AZIN1: variants seen among roughly 807,000 people sequenced by gnomAD.
AZIN1 encodes antizyme inhibitor 1, also known as ornithine decarboxylase antizyme inhibitor.
A neutral mutation model predicts 47.4 loss-of-function variants in AZIN1; 12 were observed. The ratio of observed to expected loss-of-function variants is 0.25; its 90% CI spans 0.16 to 0.41. The LOEUF is 0.41. Ranked by LOEUF, AZIN1 falls within the 10% of genes least tolerant of loss-of-function variation. The pLI, the probability that AZIN1 is intolerant of heterozygous loss-of-function variation, is 1.00. For missense variants in AZIN1, 410 were observed against 532.4 expected, an observed-to-expected ratio of 0.77 and a Z score of 2.26; for synonymous variants, 155 against 176.3, an observed-to-expected ratio of 0.88 and a Z score of 0.96.
At chr8:102,862,381 TTC>T (rs1239375770) in intron 1 of AZIN1, among the ~76,000 whole-genome samples, 1 of 152,188 alleles carries the variant, frequency 6.6e-6, no homozygotes, top group Non-Finnish European at 1.5e-5. Context: ...CTTTTTCACC[TTC>T]TGTTTGAAAA....
intron 1 of AZIN1, among the ~76,000 whole-genome samples, chr8:102,863,279 G>A (rs1305522962): frequency 6.6e-6 from 1 of 152,010 alleles, no homozygotes; most frequent in East Asian, 1.9e-4. Flanking sequence ...CCGGCGCGGG[G>A]CCCGCCCCGC....
At chr8:102,850,893 G>A (rs1812875527) in intron 2 of AZIN1, among the ~76,000 whole-genome samples, 1 of 152,116 alleles carries the variant, frequency 6.6e-6, no homozygotes, top group South Asian at 2.1e-4. Context: ...AAAGTTATAA[G>A]CCCAACAGGC....
chr8:102,833,031 T>TA, intron 9 of AZIN1, 25 bp downstream of exon 9: 4 of 1,566,758 alleles, frequency 2.6e-6, no homozygotes, highest in Non-Finnish European at 3.5e-6. Context: ...CCAACAAAAA[T>TA]AAAACTATAA....
intron 5 of AZIN1, 123 bp from the exon 6 acceptor site, chr8:102,836,513 G>T: frequency 2.9e-6 from 3 of 1,034,576 alleles, no homozygotes; most frequent in African/African-American, 1.6e-5. Context: ...AGCGACGGAT[G>T]AATCAAGTGA....
In AZIN1 at chr8:102,838,859, T is replaced by A; in HGVS notation, c.334A>T (p.Ser112Cys). Residue 112 changes from serine (S) to cysteine (C), a missense_variant, in exon 5 of 12, where the codon AGT becomes TGT. Ser to Cys is a moderately radical substitution (Grantham distance 112). Around this residue, in one of 3 missense-constraint regions of AZIN1, gnomAD observed 237 missense variants for 309.4 expected, o/e 0.77. Coordinates refer to ENST00000337198, the MANE Select transcript of AZIN1 (RefSeq NM_148174.4). The part of the protein sequence containing the change: ...GVPPENIIYI[S>C]PCKQVSQIKY... The stretch of plus-strand genomic sequence containing the variant: ...ATCTGAGACACTTGCTTGCAAGGAC[T>A]TATGTAAATAATGTTTTCTGGAGGT... 6.2e-7 allele frequency: 1 copy of A among 1,613,976 alleles called. No homozygotes were observed. The highest frequency in any genetic ancestry group is 2.2e-5 in the East Asian group (1 of 44,872).
intron 2 of AZIN1, among the ~76,000 whole-genome samples, chr8:102,847,870 C>A (rs1426735525): frequency 1.3e-5 from 2 of 152,198 alleles, no homozygotes; most frequent in Non-Finnish European, 2.9e-5. Flanking sequence ...GTTGCAATTA[C>A]CGGCATGAGC....
intron 2 of AZIN1, among the ~76,000 whole-genome samples, chr8:102,853,429 G>T (rs1813054722): frequency 6.6e-6 from 1 of 152,188 alleles, no homozygotes. Context: ...TGGAACCCGG[G>T]AGGTGGAGTT....
At chr8:102,853,074 G>A (rs1459033224) in intron 2 of AZIN1, among the ~76,000 whole-genome samples, 1 of 152,244 alleles carries the variant, frequency 6.6e-6, no homozygotes, top group Non-Finnish European at 1.5e-5. Flanking sequence ...GGTATGGGGA[G>A]ACCCAAACTG....
At chr8:102,834,311 A>G in intron 7 of AZIN1, 48 bp from the exon 8 acceptor site, 2 of 1,475,816 alleles carry the variant, frequency 1.4e-6, no homozygotes, top group Non-Finnish European at 1.9e-6. Flanking sequence ...ATTGTAATGG[A>G]TATGAGAACA....
chr8:102,864,183 C>T (rs1226759608), upstream of AZIN1: 4 of 183,564 alleles, frequency 2.2e-5, no homozygotes, highest in African/African-American at 7.2e-5. Flanking sequence ...GCGCCAGCGA[C>T]GCCAGTATTT....
Position 102,833,186 on chromosome 8 carries a change from G to A in AZIN1, c.774C>T (p.Ile258=). 1 of 1,613,694 alleles carries A rather than the reference G, an allele frequency of 6.2e-7. No homozygotes were observed. The highest frequency in any genetic ancestry group is 1.3e-5 in the African/African-American group (1 of 75,042). Residue 258 remains isoleucine, a synonymous_variant, in exon 9 of 12, where the codon ATC becomes ATT. Coordinates refer to ENST00000337198, the MANE Select transcript of AZIN1 (RefSeq NM_148174.4). ...TAACACCAGATCCTTCAGGAAAGTA[G>A]ATATCCAACAGAGGGCTGATAACAT... ...VNHVISPLLD[I]YFPEGSGVKI... is the part of the protein sequence containing the mutation.
intron 6 of AZIN1, among the ~76,000 whole-genome samples, chr8:102,835,866 AAGTC>A (rs1244222916): frequency 1.3e-5 from 2 of 152,150 alleles, no homozygotes; most frequent in Admixed American, 1.3e-4. Flanking sequence ...GGCTAAAGCA[AAGTC>A]TAATTTATTG....
intron 2 of AZIN1, chr8:102,856,098 T>TTG (rs1054583273): frequency 8.6e-5 from 13 of 150,972 alleles, no homozygotes; most frequent in African/African-American, 3.1e-4. Flanking sequence ...TTTTTGTTTT[T>TTG]TTTTTTTTTT....
intron 2 of AZIN1, among the ~76,000 whole-genome samples, chr8:102,857,556 T>C (rs1430239522): frequency 6.6e-6 from 1 of 152,074 alleles, no homozygotes; most frequent in African/African-American, 2.4e-5. Context: ...TTTAATACCA[T>C]ACATATATTT....
At chr8:102,843,214 A>C (rs796486897) in intron 3 of AZIN1, among the ~76,000 whole-genome samples, 6 of 152,116 alleles carry the variant, frequency 3.9e-5, no homozygotes, top group African/African-American at 1.4e-4. Flanking sequence ...CCAAAAAAAA[A>C]AAAAAAAAAG....
chr8:102,853,356 G>T (rs1813047497), intron 2 of AZIN1, among the ~76,000 whole-genome samples: 1 of 152,170 alleles, frequency 6.6e-6, no homozygotes, highest in African/African-American at 2.4e-5. Context: ...TACAAAATTA[G>T]TCGGGCATGG....
intron 9 of AZIN1, among the ~76,000 whole-genome samples, chr8:102,831,241 A>G (rs1811437679): frequency 6.6e-6 from 1 of 152,192 alleles, no homozygotes. Context: ...ATAAAGATCT[A>G]TGAGTCTAAA....
intron 2 of AZIN1, among the ~76,000 whole-genome samples, chr8:102,847,570 A>T (rs1412966034): frequency 1.1e-4 from 16 of 142,008 alleles, no homozygotes; most frequent in East Asian, 6.2e-4. Flanking sequence ...AATTTTTCCC[A>T]TTTTTTTTTT....
At position 102,838,789 on chromosome 8, in the gene AZIN1, T is replaced by C. The variant is rs758365770; in HGVS notation, c.404A>G (p.Asn135Ser). ...TGCAATTTTCTTCAATTCAATTTCA[T>C]TGTCACATGTCAGGATATTCACTCC... ...KVGVNILTCDNEIELKKIARN... is the reference protein window; with the variant it reads ...KVGVNILTCDSEIELKKIARN... The change falls in exon 5 of 12, where the codon AAT (asparagine) becomes AGT (serine). Residue 135 changes from asparagine to serine, a missense_variant. Asn to Ser is a conservative substitution (Grantham distance 46). Coordinates refer to ENST00000337198, the MANE Select transcript of AZIN1 (RefSeq NM_148174.4). The C allele has an allele frequency of 1.9e-6, 3 of 1,613,440 alleles. No individual in the cohort carries two copies. The highest frequency in any genetic ancestry group is 1.3e-5 in the African/African-American group (1 of 75,034).
Sources: allele counts gnomAD v4.1 joint callset (sites outside exome capture counted in the v4.1 genomes callset), GRCh38; gene constraint gnomAD v4.1.1; regional missense constraint gnomAD v4.1.1; transcripts MANE v1.5; gene names NCBI Gene and HGNC (gene_info 2026-07-23, HGNC 2026-07-21).